Variants in RBL1 observed in about 807,000 individuals in gnomAD.
RBL1 encodes the protein RB transcriptional corepressor like 1.
Under a neutral mutation model 123.0 loss-of-function variants are expected in RBL1, and 82 were observed. That is an observed-to-expected ratio of 0.67 (90% CI 0.56 to 0.80). RBL1 has a LOEUF of 0.80. Ranked by LOEUF, RBL1 falls within the 30% of genes least tolerant of loss-of-function variation. RBL1 has a pLI of 0.00. For missense variants in RBL1, 1,171 were observed against 1,299.6 expected (o/e 0.90, Z 1.52); for synonymous variants, 405 against 441.3 (o/e 0.92, Z 1.03).
chr20:37,022,540 T>C (rs2064356967), intron 17 of RBL1, 110 bp downstream of exon 17: 1 of 989,708 alleles, frequency 1.0e-6, no homozygotes, highest in Admixed American at 2.5e-5. Flanking sequence ...TTGCCCAAGC[T>C]GGTCTCGAAA....
At chr20:37,071,701 G>T (rs1462998476) in intron 2 of RBL1, among the ~76,000 whole-genome samples, 2 of 152,180 alleles carry the variant, frequency 1.3e-5, no homozygotes, top group South Asian at 4.1e-4. Context: ...CCTAGTGGGA[G>T]GTGTTTGGGT....
intron 12 of RBL1, among the ~76,000 whole-genome samples, chr20:37,044,988 G>C (rs1264619798): frequency 6.6e-6 from 1 of 151,860 alleles, no homozygotes; most frequent in East Asian, 1.9e-4. Context: ...TTTTATAAGG[G>C]AAGTATCTAG....
chr20:37,023,639 AGTT>A (rs1324203888), intron 16 of RBL1, among the ~76,000 whole-genome samples: 2 of 152,152 alleles, frequency 1.3e-5, no homozygotes, highest in South Asian at 2.1e-4. Context: ...TAAGATACAA[AGTT>A]GTTGTTTTTT....
intron 2 of RBL1, among the ~76,000 whole-genome samples, chr20:37,068,435 T>G (rs1310190244): frequency 6.6e-6 from 1 of 151,978 alleles, no homozygotes; most frequent in East Asian, 1.9e-4. Context: ...GAGACTGCAG[T>G]TAGCCTCAAT....
chr20:37,042,816 T>C (rs2064749661), intron 13 of RBL1, among the ~76,000 whole-genome samples: 1 of 150,686 alleles, frequency 6.6e-6, no homozygotes, highest in South Asian at 2.1e-4. Context: ...GGGAGATCAT[T>C]TGTGCCTGGG....
chr20:37,089,265 G>A (rs1478950361), intron 1 of RBL1, 143 bp from the exon 2 acceptor site: 3 of 762,100 alleles, frequency 3.9e-6, no homozygotes, highest in East Asian at 3.1e-5. Context: ...ATTTGCCCAA[G>A]GTCACAAAGC....
At chr20:37,003,637 A>G (rs2064021270) in intron 21 of RBL1, 65 bp downstream of exon 21, 1 of 1,466,310 alleles carries the variant, frequency 6.8e-7, no homozygotes, top group South Asian at 1.5e-5. Flanking sequence ...AAAAAAAAAA[A>G]AGAGGCAGGA....
chr20:37,049,766 TAGAG>T (rs1357664509), intron 11 of RBL1: 4 of 520,490 alleles, frequency 7.7e-6, no homozygotes, highest in Non-Finnish European at 1.3e-5. Flanking sequence ...AAATATTTTT[TAGAG>T]AGAGAAAAAA....
Position 37,068,022 on chromosome 20 carries a change from T to G in RBL1, c.455A>C (p.Glu152Ala), listed in dbSNP as rs767619447. ...IFLDIFQNPY[E>A]EPPKLPRSRK... Reference sequence around the variant, plus strand: ...GCTTCGTGGTAACTTTGGTGGTTCTTCATATGGATTTTGAAATATATCTAA... The same window carrying G: ...GCTTCGTGGTAACTTTGGTGGTTCTGCATATGGATTTTGAAATATATCTAA... The change falls in exon 3 of 22, where the codon GAA becomes GCA. Residue 152 changes from glutamate to alanine, a missense_variant. Coordinates refer to ENST00000373664, the MANE Select transcript of RBL1 (RefSeq NM_002895.5). 5.0e-5 allele frequency: 81 copies of G among 1,613,752 alleles called. No homozygotes were observed. The highest frequency in any genetic ancestry group is 6.8e-5 in the Non-Finnish European group (80 of 1,179,972).
intron 19 of RBL1, among the ~76,000 whole-genome samples, chr20:37,012,120 C>T (rs1254746563): frequency 6.6e-6 from 1 of 152,238 alleles, no homozygotes; most frequent in African/African-American, 2.4e-5. Context: ...CAGCCTCGGC[C>T]TGCCGAGGTG....
intron 1 of RBL1, among the ~76,000 whole-genome samples, chr20:37,095,069 A>C (rs2146344360): frequency 6.6e-6 from 1 of 152,324 alleles, no homozygotes; most frequent in East Asian, 1.9e-4. Flanking sequence ...TGCAAGAATG[A>C]TGGGGAAAAA....
At chr20:37,080,462 C>CTT (rs796643116) in intron 2 of RBL1, among the ~76,000 whole-genome samples, 7 of 132,714 alleles carry the variant, frequency 5.3e-5, no homozygotes, top group South Asian at 2.4e-4. Flanking sequence ...CTCTCTCTCT[C>CTT]TTTTTTTTTT....
chr20:37,009,186 G>A (rs1432763233), intron 19 of RBL1, among the ~76,000 whole-genome samples: 1 of 152,098 alleles, frequency 6.6e-6, no homozygotes, highest in Non-Finnish European at 1.5e-5. Flanking sequence ...CACCACGTCT[G>A]GCTAATTTTT....
At chr20:37,061,357 T>G (rs2065091518) in intron 8 of RBL1, 88 bp from the exon 9 acceptor site, 53 of 1,446,408 alleles carry the variant, frequency 3.7e-5, no homozygotes, top group Non-Finnish European at 4.8e-5. Flanking sequence ...ATCTTCTCTA[T>G]TCATATTTGT....
chr20:37,054,624 GC>G (rs2064973236), intron 11 of RBL1, among the ~76,000 whole-genome samples: 1 of 152,044 alleles, frequency 6.6e-6, no homozygotes, highest in Admixed American at 6.6e-5. Context: ...GAGGTCAGGA[GC>G]TCGAGACCAG....
chr20:37,048,881 A>AC (rs1210473178), intron 11 of RBL1, among the ~76,000 whole-genome samples: 3 of 150,390 alleles, frequency 2.0e-5, no homozygotes, highest in Admixed American at 6.7e-5. Flanking sequence ...CCTGAGCAAC[A>AC]TAGCGAGACA....
intron 14 of RBL1, 60 bp from the exon 15 acceptor site, chr20:37,035,568 C>T: frequency 7.4e-7 from 1 of 1,359,686 alleles, no homozygotes; most frequent in Non-Finnish European, 9.8e-7. Flanking sequence ...ATTAGGTTTA[C>T]TCATTCACTC....
intron 12 of RBL1, among the ~76,000 whole-genome samples, chr20:37,045,579 C>T (rs1384489197): frequency 1.3e-5 from 2 of 151,452 alleles, no homozygotes; most frequent in African/African-American, 2.4e-5. Flanking sequence ...ATAGTGAAAC[C>T]GAGTCTCTAT....
chr20:37,095,632 T>C (rs1282642223), intron 1 of RBL1, 141 bp downstream of exon 1: 2 of 677,494 alleles, frequency 3.0e-6, no homozygotes, highest in African/African-American at 1.8e-5. Flanking sequence ...TACACCCACC[T>C]TTCCCGCCCC....
Sources: gnomAD v4.1 joint callset for allele counts (sites outside exome capture counted in the v4.1 genomes callset) on GRCh38, gnomAD v4.1.1 for gene constraint, MANE v1.5 for transcripts, NCBI Gene and HGNC (gene_info 2026-07-23, HGNC 2026-07-21) for gene names.